Variants in TMEM40 observed in about 807,000 individuals in gnomAD.
The protein encoded by TMEM40 is transmembrane protein 40.
In TMEM40, 34 loss-of-function variants were observed where a neutral mutation model predicts 40.8. The ratio of observed to expected loss-of-function variants is 0.83; its 90% CI spans 0.63 to 1.11. The LOEUF is 1.11. Ranked by LOEUF, TMEM40 falls within the 50% of genes least tolerant of loss-of-function variation. TMEM40 has a pLI of 0.00. For synonymous variants in TMEM40, 106 were observed against 107.0 expected, an observed-to-expected ratio of 0.99 and a Z score of 0.06; for missense variants, 296 against 280.2, an observed-to-expected ratio of 1.06 and a Z score of -0.40.
chr3:12,754,180 C>T (rs1388227088), intron 1 of TMEM40, among the ~76,000 whole-genome samples: 6 of 152,184 alleles, frequency 3.9e-5, no homozygotes, highest in East Asian at 3.9e-4. Context: ...GGCATGGTGG[C>T]GGGCACCTGT....
At chr3:12,747,202 CT>C (rs1299926402) in intron 3 of TMEM40, among the ~76,000 whole-genome samples, 2 of 148,768 alleles carry the variant, frequency 1.3e-5, no homozygotes, top group African/African-American at 4.9e-5. Flanking sequence ...TTTTTTTTTC[CT>C]TCCAGCCCAG....
chr3:12,741,707 CTTAAA>C (rs1232121870), intron 5 of TMEM40, among the ~76,000 whole-genome samples: 8 of 150,034 alleles, frequency 5.3e-5, no homozygotes, highest in African/African-American at 2.0e-4. Flanking sequence ...TGAAACCTTT[CTTAAA>C]TTACTTGAGT....
intron 1 of TMEM40, among the ~76,000 whole-genome samples, chr3:12,755,213 T>TTCTTTCTTTCTCTCTCTC (rs1553634015): frequency 3.2e-5 from 3 of 94,316 alleles, no homozygotes; most frequent in Admixed American, 1.1e-4. Flanking sequence ...CTTTCTTTCT[T>TTCTTTCTTTCTCTCTCTC]TCTCTCTCTC....
intron 3 of TMEM40, among the ~76,000 whole-genome samples, chr3:12,746,976 C>T (rs942428567): frequency 6.6e-5 from 10 of 152,100 alleles, no homozygotes; most frequent in African/African-American, 2.4e-4. Flanking sequence ...TCTTCCAGAG[C>T]CAAACCTCAT....
In TMEM40 at chr3:12,749,328, A is replaced by G. The variant is rs540796115; in HGVS notation, c.73+432T>C. 2.6e-5 allele frequency among the ~76,000 whole-genome samples: 4 copies of G among 152,326 alleles called. No individual in the cohort carries two copies. In the South Asian group the frequency reaches 8.3e-4, roughly 32 times the overall value. On this transcript the variant is annotated intron_variant, in intron 2 of 11. Coordinates refer to ENST00000314124, the MANE Select transcript of TMEM40 (RefSeq NM_018306.4). ...CGTGAGCCGCCGCGCCCGGCCAGAA[A>G]AGGGGTTTCTAAGCCCCCTGCCTTG... is the stretch of plus-strand genomic sequence containing the variant.
chr3:12,738,406 T>G, intron 6 of TMEM40, 147 bp downstream of exon 6: 1 of 1,036,154 alleles, frequency 9.7e-7, no homozygotes, highest in Non-Finnish European at 1.5e-6. Flanking sequence ...CCAGCCTGCT[T>G]GATGAGCCTA....
chr3:12,755,213 T>TTCTTTCTTTCTCTCTC lies in TMEM40; in HGVS notation c.-9+3977_-9+3978insGAGAGAGAAAGAAAGA, dbSNP rs1553634015. Among the ~76,000 whole-genome samples the TTCTTTCTTTCTCTCTC allele has an allele frequency of 5.7e-4, 54 of 94,302 alleles. 3 individuals are homozygous for TTCTTTCTTTCTCTCTC. Among genetic ancestry groups the TTCTTTCTTTCTCTCTC allele is most frequent in the African/African-American group, 2.3e-3 (53 of 22,930 alleles). 61.9% of individuals were successfully genotyped at this position (94,302 alleles called of 152,430 possible). ...TTCCTTCCTTCCTTTCTTTCTTTCT[T>TTCTTTCTTTCTCTCTC]TCTCTCTCTCTCTCTCTCTCTCTTT... On this transcript the variant is annotated intron_variant, in intron 1 of 11. Transcript: ENST00000314124.
chr3:12,750,629 T>G (rs937362189), intron 1 of TMEM40, among the ~76,000 whole-genome samples: 1 of 152,014 alleles, frequency 6.6e-6, no homozygotes, highest in African/African-American at 2.4e-5. Flanking sequence ...ACTTCTTTAT[T>G]TGAGACAGAG....
chr3:12,761,375 C>T (rs1367821928), upstream of TMEM40, among the ~76,000 whole-genome samples: 1 of 152,108 alleles, frequency 6.6e-6, no homozygotes, highest in Non-Finnish European at 1.5e-5. Context: ...GAGGCTGAGG[C>T]AGGTGAATCA....
chr3:12,736,877 C>G, intron 8 of TMEM40, 42 bp from the exon 9 acceptor site: 1 of 1,613,472 alleles, frequency 6.2e-7, no homozygotes, highest in Non-Finnish European at 8.5e-7. Context: ...GCTGCTTTCT[C>G]TCTCTTTTTT....
chr3:12,765,258 ATTGTT>A (rs2061589076), intron 1 of TMEM40, among the ~76,000 whole-genome samples: 2 of 152,272 alleles, frequency 1.3e-5, no homozygotes, highest in South Asian at 2.1e-4. Flanking sequence ...CAACAATCTT[ATTGTT>A]TTAAGCAGAA....
rs762990868 is a variant in TMEM40, at chr3:12,758,971, G to A, written c.-9+220C>T. Among the ~76,000 whole-genome samples, 153 of 152,178 alleles carry A rather than the reference G, an allele frequency of 1.0e-3. 2 individuals carry two copies. Among genetic ancestry groups the A allele is most frequent in the Non-Finnish European group, 8.7e-4 (59 of 68,010 alleles). On this transcript the variant is annotated intron_variant, in intron 1 of 11. Transcript: ENST00000314124. ...TCACCTACCATGGCCAAGTATAGGCGGGTGGAAACCTCAACACAACCCAGG... is the reference window on the plus strand; with the variant it reads ...TCACCTACCATGGCCAAGTATAGGCAGGTGGAAACCTCAACACAACCCAGG...
rs574351429 is a variant in TMEM40 at position 12,756,869 on chromosome 3, CACACACACACAT to C, written c.-9+2310_-9+2321del. Among the ~76,000 whole-genome samples the C allele has an allele frequency of 7.9e-5, 12 of 151,894 alleles. No individual in the cohort carries two copies. In the East Asian group the frequency reaches 2.3e-3, roughly 29 times the overall value. ...CCACACATATACACACTCTCTCTCT[CACACACACACAT>C]ACACACACACAACTGACAATAAGAA... is the stretch of plus-strand genomic sequence containing the variant. On this transcript the variant is annotated intron_variant, in intron 1 of 11. Coordinates refer to ENST00000314124, the MANE Select transcript of TMEM40 (RefSeq NM_018306.4).
intron 3 of TMEM40, 114 bp downstream of exon 3, chr3:12,748,541 T>C (rs537615716): frequency 3.4e-4 from 484 of 1,406,212 alleles, no homozygotes; most frequent in Non-Finnish European, 4.4e-4. Context: ...GAAGAGAATG[T>C]GGAGAAACGG....
intron 1 of TMEM40, among the ~76,000 whole-genome samples, chr3:12,766,137 G>A (rs2061593014): frequency 6.6e-6 from 1 of 152,030 alleles, no homozygotes; most frequent in African/African-American, 2.4e-5. Flanking sequence ...TGGGATTACA[G>A]GCATGAGCCA....
chr3:12,739,218 G>A (rs541954390), intron 5 of TMEM40: 1 of 152,438 alleles, frequency 6.6e-6, no homozygotes, highest in South Asian at 2.1e-4. Flanking sequence ...TGTGAGACAT[G>A]ACATTATTTT....
intron 3 of TMEM40, among the ~76,000 whole-genome samples, chr3:12,746,590 C>T (rs572184293): frequency 1.3e-5 from 2 of 152,238 alleles, no homozygotes; most frequent in South Asian, 2.1e-4. Context: ...CACCCAGGCT[C>T]GGGGCCTTCT....
chr3:12,753,869 T>C (rs1351120146), intron 1 of TMEM40, among the ~76,000 whole-genome samples: 1 of 152,178 alleles, frequency 6.6e-6, no homozygotes, highest in Non-Finnish European at 1.5e-5. Flanking sequence ...GCTTCTGCTG[T>C]CACAGGGCCT....
At chr3:12,756,228 G>T (rs1320257248) in intron 1 of TMEM40, among the ~76,000 whole-genome samples, 1 of 152,256 alleles carries the variant, frequency 6.6e-6, no homozygotes. Context: ...TTTGAAAGGT[G>T]GATTTCCACC....
Sources: allele counts gnomAD v4.1 joint callset (sites outside exome capture counted in the v4.1 genomes callset), GRCh38; gene constraint gnomAD v4.1.1; transcripts MANE v1.5; gene names NCBI Gene and HGNC (gene_info 2026-07-23, HGNC 2026-07-21).